Variants in LAMA2 observed in about 807,000 individuals in gnomAD.
LAMA2 encodes the protein laminin subunit alpha 2, also known as laminin subunit alpha-2.
In LAMA2, 269 loss-of-function variants were observed where a neutral mutation model predicts 364.8. The observed-to-expected ratio is 0.74, with a 90% CI of 0.67 to 0.82. The LOEUF (loss-of-function observed/expected upper bound fraction) is 0.82. Ranked by LOEUF, LAMA2 falls within the 40% of genes least tolerant of loss-of-function variation. The pLI is 0.00. For missense variants in LAMA2, 3,807 were observed against 3,873.2 expected (o/e 0.98, Z 0.45); for synonymous variants, 1,379 against 1,370.6 (o/e 1.01, Z -0.14).
At chr6:129,221,879 G>T (rs540023658) in intron 12 of LAMA2, among the ~76,000 whole-genome samples, 2 of 152,224 alleles carry the variant, frequency 1.3e-5, no homozygotes, top group East Asian at 3.9e-4. Context: ...GGAATAACTT[G>T]TTGCAATGAA....
In LAMA2 at chr6:129,312,970, G is replaced by A. The variant is rs201518199; in HGVS notation, c.3284G>A (p.Arg1095Gln). 2.4e-5 allele frequency: 38 copies of A among 1,614,076 alleles called. 1 individual carries two copies. In the Middle Eastern group the frequency reaches 6.6e-4, roughly 28 times the overall value. ...FSGAKCTECSRGHWNYPRCNL... is the reference protein window; with the variant it reads ...FSGAKCTECSQGHWNYPRCNL... ...GGTGCAAAATGTACAGAGTGCAGTC[G>A]AGGTCACTGGAACTACCCTCGCTGC... is the stretch of plus-strand genomic sequence containing the variant. The change falls in exon 23 of 65, where the codon CGA (arginine) becomes CAA (glutamine). Residue 1095 changes from arginine (R) to glutamine (Q), a missense_variant. Coordinates refer to ENST00000421865, the MANE Select transcript of LAMA2 (RefSeq NM_000426.4).
At chr6:129,386,138 A>C (rs1252847920) in intron 35 of LAMA2, among the ~76,000 whole-genome samples, 1 of 152,102 alleles carries the variant, frequency 6.6e-6, no homozygotes, top group African/African-American at 2.4e-5. Flanking sequence ...GGATTTTTAA[A>C]AAATTACCTA....
In LAMA2 at chr6:129,077,769, C is replaced by G. The variant is rs1019919903; in HGVS notation, c.396+17873C>G. Among the ~76,000 whole-genome samples, 10 of 152,268 alleles carry G rather than the reference C, an allele frequency of 6.6e-5. No homozygotes were observed. The South Asian group carries it at 1.9e-3, about 28-fold the overall frequency. Reference sequence around the variant, plus strand: ...TACCTTTCGATATGTCAGAAAGATTCTTTTTCTGGAAGCTGTTGTTCTCAT... The same window carrying G: ...TACCTTTCGATATGTCAGAAAGATTGTTTTTCTGGAAGCTGTTGTTCTCAT... On this transcript the variant is annotated intron_variant, in intron 3 of 64. Coordinates refer to ENST00000421865, the MANE Select transcript of LAMA2 (RefSeq NM_000426.4).
intron 54 of LAMA2, among the ~76,000 whole-genome samples, chr6:129,480,945 A>G (rs1417712203): frequency 3.4e-5 from 5 of 144,984 alleles, no homozygotes; most frequent in Non-Finnish European, 7.5e-5. Context: ...TTTGACTTAA[A>G]TCTTTGGTTT....
chr6:129,037,873 G>A (rs1786773066), intron 1 of LAMA2, among the ~76,000 whole-genome samples: 1 of 152,046 alleles, frequency 6.6e-6, no homozygotes, highest in African/African-American at 2.4e-5. Flanking sequence ...GTTTCACCGT[G>A]TTAGCCAGGA....
chr6:129,058,774 C>T (rs953599124), intron 2 of LAMA2, among the ~76,000 whole-genome samples: 1 of 152,114 alleles, frequency 6.6e-6, no homozygotes, highest in Non-Finnish European at 1.5e-5. Context: ...GAAAGGCATA[C>T]AAAATGTATT....
At chr6:128,931,215 G>A (rs946963627) in intron 1 of LAMA2, among the ~76,000 whole-genome samples, 3 of 152,156 alleles carry the variant, frequency 2.0e-5, no homozygotes, top group Non-Finnish European at 4.4e-5. Flanking sequence ...AAGGATACAG[G>A]TAAAAGTTCT....
intron 2 of LAMA2, among the ~76,000 whole-genome samples, chr6:129,054,512 G>A (rs1054713524): frequency 6.6e-6 from 1 of 151,988 alleles, no homozygotes; most frequent in South Asian, 2.1e-4. Context: ...GTGGGGAGGA[G>A]GTGCGAGTGT....
At chr6:129,307,578 A>G (rs939609318) in intron 22 of LAMA2, among the ~76,000 whole-genome samples, 5 of 152,106 alleles carry the variant, frequency 3.3e-5, no homozygotes, top group Non-Finnish European at 5.9e-5. Context: ...ACACTGCTTC[A>G]TGTTTTTTTC....
intron 1 of LAMA2, among the ~76,000 whole-genome samples, chr6:128,950,446 G>A (rs924749300): frequency 6.6e-6 from 1 of 152,136 alleles, no homozygotes; most frequent in East Asian, 1.9e-4. Flanking sequence ...GCCAGGCCAC[G>A]TGGGTAGAAC....
chr6:129,113,932 C>A (rs1420981693), intron 4 of LAMA2, among the ~76,000 whole-genome samples: 1 of 151,950 alleles, frequency 6.6e-6, no homozygotes, highest in Non-Finnish European at 1.5e-5. Flanking sequence ...TGGAAAATAG[C>A]ACAGTTGGTG....
intron 15 of LAMA2, among the ~76,000 whole-genome samples, chr6:129,261,577 G>C (rs1787138844): frequency 6.6e-6 from 1 of 152,116 alleles, no homozygotes; most frequent in African/African-American, 2.4e-5. Context: ...ATGGCTAGCA[G>C]ATAAATAGGA....
intron 1 of LAMA2, among the ~76,000 whole-genome samples, chr6:128,996,715 T>G (rs576494301): frequency 3.3e-5 from 5 of 152,360 alleles, no homozygotes; most frequent in African/African-American, 1.2e-4. Context: ...GAAGACAGTG[T>G]GGTGATTCCT....
In LAMA2 at chr6:128,883,147, A is replaced by C; in HGVS notation, c.-99A>C. 1.7e-6 allele frequency: 2 copies of C among 1,202,660 alleles called. No individual in the cohort carries two copies. Among genetic ancestry groups the C allele is most frequent in the Admixed American group, 2.0e-5 (1 of 50,000 alleles). The allele number at this position is 1,202,660 out of a possible 1,614,324, so 74.5% of individuals were successfully genotyped here. A position where few individuals can be genotyped will look rare whatever the true frequency, so the allele number is the denominator to read the frequency against. ...AGGGGGCTGTCTCCTCCTCTTCCCC[A>C]GCAGCTGCTGCTCGCTCAGCTCACA... is the stretch of plus-strand genomic sequence containing the variant. On this transcript the variant is annotated 5_prime_UTR_variant, in exon 1 of 65. Transcript: ENST00000421865.
intron 9 of LAMA2, among the ~76,000 whole-genome samples, chr6:129,167,318 C>A (rs867951502): frequency 1.5e-5 from 2 of 130,452 alleles, no homozygotes; most frequent in Non-Finnish European, 3.2e-5. Flanking sequence ...CCCCTCCCCC[C>A]ACCCCACAAC....
At chr6:129,356,583 C>T (rs1777165676) in intron 32 of LAMA2, among the ~76,000 whole-genome samples, 1 of 152,056 alleles carries the variant, frequency 6.6e-6, no homozygotes. Flanking sequence ...GAGCATGGGT[C>T]AGTCTTACAA....
intron 3 of LAMA2, among the ~76,000 whole-genome samples, chr6:129,090,890 G>T (rs1774778439): frequency 6.6e-6 from 1 of 152,136 alleles, no homozygotes; most frequent in African/African-American, 2.4e-5. Context: ...AAACTGCACA[G>T]TAAACTATAC....
At chr6:129,442,788 T>C in intron 43 of LAMA2, 1 of 460,072 alleles carries the variant, frequency 2.2e-6, no homozygotes, top group South Asian at 2.1e-5. Flanking sequence ...TGAGAAATAG[T>C]TAATTATCTA....
intron 1 of LAMA2, among the ~76,000 whole-genome samples, chr6:128,925,037 G>C (rs75958611): frequency 1.3e-5 from 2 of 152,160 alleles, no homozygotes; most frequent in East Asian, 3.8e-4. Context: ...AGGATGTGAA[G>C]GAATTAGAAG....
Sources: gnomAD v4.1 joint callset for allele counts (sites outside exome capture counted in the v4.1 genomes callset) on GRCh38, gnomAD v4.1.1 for gene constraint, MANE v1.5 for transcripts, NCBI Gene and HGNC (gene_info 2026-07-23, HGNC 2026-07-21) for gene names.